The following TLN2 variants were observed in gnomAD, a reference collection of about 807,000 sequenced individuals.
TLN2 encodes talin 2.
A neutral mutation model predicts 294.7 loss-of-function variants in TLN2; 118 were observed. The observed-to-expected ratio is 0.40, with a 90% confidence interval of 0.34 to 0.47. The LOEUF (loss-of-function observed/expected upper bound fraction) is 0.47. TLN2 is among the 20% of genes least tolerant of loss of function. TLN2 has a pLI of 0.84. For missense variants in TLN2, 3,083 were observed against 3,282.2 expected (o/e 0.94, Z 1.48); for synonymous variants, 1,431 against 1,304.5 (o/e 1.10, Z -2.09).
intron 48 of TLN2, among the ~76,000 whole-genome samples, chr15:62,798,371 G>A (rs2065675769): frequency 6.6e-6 from 1 of 152,080 alleles, no homozygotes; most frequent in South Asian, 2.1e-4. Flanking sequence ...GCTCCTCAAG[G>A]ACAGTCACCA....
chr15:62,568,033 T>A (rs2043550980), intron 1 of TLN2, among the ~76,000 whole-genome samples: 1 of 152,162 alleles, frequency 6.6e-6, no homozygotes. Context: ...CTGAGTTGAG[T>A]TCTCTGAGCC....
chr15:62,725,758 A>C (rs1160139183), intron 27 of TLN2, among the ~76,000 whole-genome samples: 1 of 152,202 alleles, frequency 6.6e-6, no homozygotes, highest in African/African-American at 2.4e-5. Flanking sequence ...ACACAGAGGC[A>C]CAGAGTTTGT....
chr15:62,477,912 G>A (rs2037867120), intron 1 of TLN2, among the ~76,000 whole-genome samples: 1 of 117,892 alleles, frequency 8.5e-6, no homozygotes, highest in Non-Finnish European at 1.8e-5. Context: ...AGGGGGGGGT[G>A]CAGCGGGGGC....
chr15:62,461,610 C>T lies in TLN2; in HGVS notation c.-238+70925C>T, dbSNP rs1023640956. On this transcript the variant is annotated intron_variant, in intron 1 of 58. Transcript: ENST00000636159. ...TTACTGAGCATCACTGCGGGCCAGG[C>T]TCTGGCTCAGGCCCTAGGGGTGAGA... Among the ~76,000 whole-genome samples the T allele has an allele frequency of 7.9e-5, 12 of 152,338 alleles. No homozygotes were observed. The South Asian group carries it at 1.2e-3, about 16-fold the overall frequency.
intron 3 of TLN2, among the ~76,000 whole-genome samples, chr15:62,646,888 G>C (rs979485159): frequency 4.6e-5 from 7 of 152,160 alleles, no homozygotes; most frequent in African/African-American, 1.7e-4. Context: ...TTAGGACCCA[G>C]TCATAGGTGC....
At chr15:62,447,253 A>G (rs933357973) in intron 1 of TLN2, among the ~76,000 whole-genome samples, 6 of 152,272 alleles carry the variant, frequency 3.9e-5, no homozygotes, top group African/African-American at 1.4e-4. Flanking sequence ...TAAGTGTGTT[A>G]GGAGTTTAAG....
At chr15:62,451,139 A>AT (rs999866369) in intron 1 of TLN2, among the ~76,000 whole-genome samples, 3 of 152,080 alleles carry the variant, frequency 2.0e-5, no homozygotes, top group Non-Finnish European at 4.4e-5. Context: ...AAATTTGAAG[A>AT]TTCCTGGGCA....
intron 1 of TLN2, among the ~76,000 whole-genome samples, chr15:62,394,661 A>C (rs1461251933): frequency 6.6e-6 from 1 of 152,204 alleles, no homozygotes; most frequent in East Asian, 1.9e-4. Flanking sequence ...TTTCCCCTGC[A>C]GGGCCCACAC....
intron 2 of TLN2, among the ~76,000 whole-genome samples, chr15:62,597,520 G>A (rs775786707): frequency 6.6e-6 from 1 of 152,100 alleles, no homozygotes; most frequent in Non-Finnish European, 1.5e-5. Context: ...CCTCTCTCAG[G>A]AGCCCGCTTT....
At chr15:62,508,154 A>G (rs1290852382) in intron 1 of TLN2, among the ~76,000 whole-genome samples, 1 of 152,148 alleles carries the variant, frequency 6.6e-6, no homozygotes, top group Non-Finnish European at 1.5e-5. Context: ...ATTTAAATAT[A>G]TGATGTTTCC....
intron 1 of TLN2, among the ~76,000 whole-genome samples, chr15:62,491,850 C>A (rs2038744028): frequency 6.6e-6 from 1 of 152,108 alleles, no homozygotes; most frequent in Non-Finnish European, 1.5e-5. Context: ...AATCTCTGTC[C>A]TTCAGTGGAT....
At chr15:62,663,680 T>C (rs778187463) in intron 9 of TLN2, among the ~76,000 whole-genome samples, 1 of 151,970 alleles carries the variant, frequency 6.6e-6, no homozygotes, top group Non-Finnish European at 1.5e-5. Context: ...TTTATAGTAG[T>C]TACAAAAAGT....
At chr15:62,569,532 C>T (rs1390749196) in intron 1 of TLN2, among the ~76,000 whole-genome samples, 1 of 152,344 alleles carries the variant, frequency 6.6e-6, no homozygotes, top group East Asian at 1.9e-4. Context: ...TCTTCTCAGG[C>T]ACACTCTGCT....
intron 54 of TLN2, among the ~76,000 whole-genome samples, chr15:62,823,433 T>TA (rs754575550): frequency 4.7e-4 from 72 of 152,114 alleles, no homozygotes; most frequent in Non-Finnish European, 8.2e-4. Context: ...CCCAAAACCT[T>TA]AAAAAAATCC....
At chr15:62,472,420 G>C (rs1440648815) in intron 1 of TLN2, among the ~76,000 whole-genome samples, 2 of 152,130 alleles carry the variant, frequency 1.3e-5, no homozygotes, top group Non-Finnish European at 2.9e-5. Flanking sequence ...GGCTCCCTTC[G>C]CCTCTGGACC....
At chr15:62,471,341 C>T (rs776580562) in intron 1 of TLN2, among the ~76,000 whole-genome samples, 43 of 152,176 alleles carry the variant, frequency 2.8e-4, no homozygotes, top group African/African-American at 4.8e-5. Flanking sequence ...CGTGATCCTT[C>T]CTCAAAACAA....
intron 43 of TLN2, among the ~76,000 whole-genome samples, chr15:62,778,547 A>G (rs1340944987): frequency 6.6e-6 from 1 of 152,256 alleles, no homozygotes; most frequent in African/African-American, 2.4e-5. Context: ...TCCTAGGAAG[A>G]TGGACGTCAG....
At chr15:62,490,037 T>G (rs1032793314) in intron 1 of TLN2, among the ~76,000 whole-genome samples, 2 of 152,208 alleles carry the variant, frequency 1.3e-5, no homozygotes, top group African/African-American at 4.8e-5. Flanking sequence ...GGCATTGCAT[T>G]CGGGGGTAAT....
At chr15:62,791,853 T>G (rs2065096761) in intron 45 of TLN2, among the ~76,000 whole-genome samples, 1 of 152,150 alleles carries the variant, frequency 6.6e-6, no homozygotes, top group African/African-American at 2.4e-5. Flanking sequence ...GAATGCAAAC[T>G]TCGGGGAGGT....
Sources: gnomAD v4.1 joint callset for allele counts (sites outside exome capture counted in the v4.1 genomes callset) on GRCh38, gnomAD v4.1.1 for gene constraint, MANE v1.5 for transcripts, NCBI Gene and HGNC (gene_info 2026-07-23, HGNC 2026-07-21) for gene names.